PDE4D: variants seen among roughly 807,000 people sequenced by gnomAD.
PDE4D encodes the protein 3',5'-cyclic-AMP phosphodiesterase 4D.
A neutral mutation model predicts 87.4 loss-of-function variants in PDE4D; 24 were observed. The observed-to-expected ratio is 0.27, with a 90% confidence interval of 0.20 to 0.39. The LOEUF is 0.39. PDE4D is among the 10% of genes least tolerant of loss of function. The pLI is 1.00. For missense variants in PDE4D, 714 were observed against 1,041.0 expected, an observed-to-expected ratio of 0.69 and a Z score of 4.32; for synonymous variants, 384 against 383.2, an observed-to-expected ratio of 1.00 and a Z score of -0.02.
intron 1 of PDE4D, among the ~76,000 whole-genome samples, chr5:60,360,112 G>A (rs900075218): frequency 6.6e-6 from 1 of 152,204 alleles, no homozygotes; most frequent in African/African-American, 2.4e-5. Flanking sequence ...GTGATTTGTT[G>A]CTAGGGCACA....
chr5:59,110,708 C>A (rs901108942), intron 5 of PDE4D, among the ~76,000 whole-genome samples: 4 of 151,976 alleles, frequency 2.6e-5, no homozygotes, highest in African/African-American at 9.7e-5. Flanking sequence ...CCGATCTTTA[C>A]AAAAGATACA....
chr5:60,381,218 C>T (rs556206443), intron 1 of PDE4D, among the ~76,000 whole-genome samples: 38 of 152,290 alleles, frequency 2.5e-4, no homozygotes, highest in Middle Eastern at 6.8e-3. Flanking sequence ...GTAAGTCATA[C>T]AGGTGCTGCA....
chr5:59,784,812 G>T (rs1318260596), intron 1 of PDE4D, among the ~76,000 whole-genome samples: 2 of 152,114 alleles, frequency 1.3e-5, no homozygotes, highest in Non-Finnish European at 1.5e-5. Flanking sequence ...GGAGATAATT[G>T]AATCATGGGG....
intron 1 of PDE4D, among the ~76,000 whole-genome samples, chr5:60,414,411 C>A (rs896365171): frequency 6.6e-6 from 1 of 151,990 alleles, no homozygotes; most frequent in Non-Finnish European, 1.5e-5. Context: ...ATATGCATTG[C>A]CCATCCAGAG....
chr5:59,503,961 T>A (rs899328911), intron 1 of PDE4D, among the ~76,000 whole-genome samples: 1 of 152,202 alleles, frequency 6.6e-6, no homozygotes, highest in African/African-American at 2.4e-5. Flanking sequence ...TGTGAACTTA[T>A]TAAGACAAGA....
rs577436596 is a variant in PDE4D, at chr5:60,228,208, AAC to A, written c.-89-42523_-89-42522del. 1.1e-4 allele frequency among the ~76,000 whole-genome samples: 17 copies of A among 152,202 alleles called. No homozygotes were observed. The South Asian group carries it at 3.3e-3, about 30-fold the overall frequency. ...ATTTATAATATAGTTTATAACTATAAACACACACATGAACACATATATTTATT... is the reference window on the plus strand; with the variant it reads ...ATTTATAATATAGTTTATAACTATAAACACACATGAACACATATATTTATT... On this transcript the variant is annotated intron_variant, in intron 1 of 16. Coordinates refer to the PDE4D transcript ENST00000502484.
At chr5:59,363,112 T>G (rs896317764) in intron 1 of PDE4D, among the ~76,000 whole-genome samples, 3 of 152,154 alleles carry the variant, frequency 2.0e-5, no homozygotes, top group Non-Finnish European at 4.4e-5. Flanking sequence ...CAACCACTTA[T>G]TTGGTGTTTA....
chr5:59,071,023 T>C (rs1369957679), intron 5 of PDE4D, among the ~76,000 whole-genome samples: 1 of 152,214 alleles, frequency 6.6e-6, no homozygotes, highest in Non-Finnish European at 1.5e-5. Context: ...ATACATTTTT[T>C]AAAGGCTCGC....
intron 1 of PDE4D, among the ~76,000 whole-genome samples, chr5:59,509,204 G>T (rs1035015610): frequency 3.0e-4 from 46 of 152,044 alleles, no homozygotes; most frequent in Non-Finnish European, 5.7e-4. Context: ...TGGTCAGACT[G>T]AAAAGTGATT....
intron 1 of PDE4D, among the ~76,000 whole-genome samples, chr5:59,760,344 C>T (rs541332719): frequency 1.3e-5 from 2 of 152,158 alleles, no homozygotes; most frequent in East Asian, 3.9e-4. Context: ...TGAAAGTCCA[C>T]CTAAAGAAAT....
chr5:59,233,378 C>T (rs1434304766), intron 1 of PDE4D, among the ~76,000 whole-genome samples: 2 of 152,150 alleles, frequency 1.3e-5, no homozygotes, highest in East Asian at 3.8e-4. Flanking sequence ...AGCAAAATGA[C>T]ATTTTGAATG....
chr5:60,389,359 A>T (rs79086382), intron 1 of PDE4D, among the ~76,000 whole-genome samples: 1 of 152,190 alleles, frequency 6.6e-6, no homozygotes, highest in South Asian at 2.1e-4. Context: ...AGGAGAGAAT[A>T]AAAAAACTCT....
chr5:59,106,392 T>C (rs904621404), intron 5 of PDE4D, among the ~76,000 whole-genome samples: 1 of 152,274 alleles, frequency 6.6e-6, no homozygotes, highest in African/African-American at 2.4e-5. Context: ...CAGTCACTTC[T>C]GTAAAATATA....
At chr5:59,272,465 G>T (rs1764003079) in intron 1 of PDE4D, among the ~76,000 whole-genome samples, 1 of 152,018 alleles carries the variant, frequency 6.6e-6, no homozygotes, top group African/African-American at 2.4e-5. Context: ...CAATGAATCT[G>T]CTAATTTTAT....
chr5:59,505,137 A>G (rs1809021560), intron 1 of PDE4D, among the ~76,000 whole-genome samples: 1 of 152,104 alleles, frequency 6.6e-6, no homozygotes, highest in South Asian at 2.1e-4. Flanking sequence ...GAGGGAAGTA[A>G]AAAGCTAAAA....
Position 60,445,443 on chromosome 5 carries a change from A to G in PDE4D, c.-90+42499T>C, listed in dbSNP as rs538371750. 2.0e-5 allele frequency among the ~76,000 whole-genome samples: 3 copies of G among 152,334 alleles called. No homozygotes were observed. In the East Asian group the frequency reaches 5.8e-4, roughly 29 times the overall value. The stretch of plus-strand genomic sequence containing the variant: ...GTGGAAAACTATCTGAGAAAAATAT[A>G]AAGTTAAATTCTTGCACTCCTATAC... On this transcript the variant is annotated intron_variant, in intron 1 of 16. Coordinates refer to the PDE4D transcript ENST00000502484.
At chr5:60,171,717 T>C (rs1357003048) in intron 2 of PDE4D, among the ~76,000 whole-genome samples, 1 of 152,208 alleles carries the variant, frequency 6.6e-6, no homozygotes, top group South Asian at 2.1e-4. Flanking sequence ...TGGCCACTTA[T>C]CTTGGAGAAA....
intron 1 of PDE4D, among the ~76,000 whole-genome samples, chr5:60,325,273 G>C (rs1161933341): frequency 1.3e-5 from 2 of 152,134 alleles, no homozygotes; most frequent in Non-Finnish European, 2.9e-5. Context: ...AGCAATTATA[G>C]GGGGAAAATA....
intron 1 of PDE4D, among the ~76,000 whole-genome samples, chr5:59,502,468 ATTC>A (rs1251509165): frequency 2.0e-5 from 3 of 152,164 alleles, no homozygotes; most frequent in Non-Finnish European, 4.4e-5. Flanking sequence ...TTTCTTCCAT[ATTC>A]TTCTACCCAA....
Sources: gnomAD v4.1 joint callset for allele counts (sites outside exome capture counted in the v4.1 genomes callset) on GRCh38, gnomAD v4.1.1 for gene constraint, MANE v1.5 for transcripts, NCBI Gene and HGNC (gene_info 2026-07-23, HGNC 2026-07-21) for gene names.